The following NTRK2 variants were observed in gnomAD, a reference collection of about 807,000 sequenced individuals.
NTRK2 encodes the protein BDNF/NT-3 growth factors receptor.
In NTRK2, 13 loss-of-function variants were observed where a neutral mutation model predicts 94.5. The ratio of observed to expected loss-of-function variants is 0.14; its 90% CI spans 0.09 to 0.22. The LOEUF is 0.22. Among genes scored for constraint, NTRK2 ranks in the 10% least tolerant of loss-of-function variants. The pLI, the probability that NTRK2 is intolerant of heterozygous loss-of-function variation, is 1.00. For synonymous variants in NTRK2, 372 were observed against 407.4 expected (o/e 0.91, Z 1.05); for missense variants, 639 against 1,071.2 (o/e 0.60, Z 5.63).
At chr9:85,009,962 C>T (rs571873382) in intron 17 of NTRK2, among the ~76,000 whole-genome samples, 1 of 152,260 alleles carries the variant, frequency 6.6e-6, no homozygotes, top group South Asian at 2.1e-4. Flanking sequence ...TGTATTAAGT[C>T]CTCATCTCAG....
chr9:84,972,367 C>T (rs979320050), intron 17 of NTRK2, among the ~76,000 whole-genome samples: 1 of 152,132 alleles, frequency 6.6e-6, no homozygotes. Flanking sequence ...TGTAGGTTTT[C>T]CATCTTCTAT....
chr9:85,020,133 G>A (rs2117915821), intron 17 of NTRK2, 73 bp from the exon 18 acceptor site: 1 of 1,512,718 alleles, frequency 6.6e-7, no homozygotes. Flanking sequence ...AGCAAACAGT[G>A]TCCCCCAGCA....
At chr9:84,704,182 A>G (rs1391754036) in intron 4 of NTRK2, among the ~76,000 whole-genome samples, 2 of 144,366 alleles carry the variant, frequency 1.4e-5, no homozygotes, top group African/African-American at 5.1e-5. Flanking sequence ...GCCACTTTGT[A>G]TATTTTTTCA....
At chr9:84,967,094 C>T (rs895906728) in intron 17 of NTRK2, among the ~76,000 whole-genome samples, 10 of 152,154 alleles carry the variant, frequency 6.6e-5, no homozygotes, top group Admixed American at 3.9e-4. Flanking sequence ...AGTTAGTAAA[C>T]GAAGTGCTAT....
Position 84,744,042 on chromosome 9 carries a change from A to G in NTRK2, c.1196-931A>G, listed in dbSNP as rs141174316. On this transcript the variant is annotated intron_variant, in intron 10 of 18. Coordinates refer to ENST00000277120, the MANE Select transcript of NTRK2 (RefSeq NM_006180.6). ...GAAGTTTAGCTGGGGCTGCATTAACAAGGTAGCCTCTTCAGGATGGAAATT... is the reference window on the plus strand; with the variant it reads ...GAAGTTTAGCTGGGGCTGCATTAACGAGGTAGCCTCTTCAGGATGGAAATT... 8.5e-5 allele frequency among the ~76,000 whole-genome samples: 13 copies of G among 152,332 alleles called. No individual in the cohort carries two copies. In the East Asian group the frequency reaches 2.3e-3, roughly 27 times the overall value.
intron 17 of NTRK2, among the ~76,000 whole-genome samples, chr9:84,957,420 T>A: frequency 6.6e-6 from 1 of 152,090 alleles, no homozygotes; most frequent in East Asian, 1.9e-4. Flanking sequence ...AAAAGATAAA[T>A]CACTCAATTC....
At chr9:84,842,709 G>A (rs950860039) in intron 12 of NTRK2, among the ~76,000 whole-genome samples, 2 of 152,124 alleles carry the variant, frequency 1.3e-5, no homozygotes, top group African/African-American at 2.4e-5. Flanking sequence ...CCACAGTCTG[G>A]CACCACTACT....
chr9:84,747,531 G>A (rs1302824178), intron 11 of NTRK2, among the ~76,000 whole-genome samples: 2 of 142,398 alleles, frequency 1.4e-5, no homozygotes, highest in African/African-American at 5.3e-5. Context: ...AGGCTGGAGT[G>A]CAGTGGCACG....
intron 12 of NTRK2, among the ~76,000 whole-genome samples, chr9:84,758,902 A>G (rs2065302908): frequency 6.6e-6 from 1 of 152,234 alleles, no homozygotes; most frequent in Non-Finnish European, 1.5e-5. Flanking sequence ...GAAACAAGTA[A>G]TGAACTTTGC....
At chr9:84,896,917 G>A (rs993603456) in intron 14 of NTRK2, among the ~76,000 whole-genome samples, 3 of 152,158 alleles carry the variant, frequency 2.0e-5, no homozygotes, top group Admixed American at 6.5e-5. Flanking sequence ...AAGAGGAGTA[G>A]GCATAATTTG....
intron 15 of NTRK2, among the ~76,000 whole-genome samples, chr9:84,944,925 A>C (rs2078544801): frequency 6.6e-6 from 1 of 152,214 alleles, no homozygotes; most frequent in Non-Finnish European, 1.5e-5. Context: ...GTAGATGATG[A>C]TATTGTTATC....
intron 2 of NTRK2, 32 bp from the exon 3 acceptor site, chr9:84,702,127 G>A (rs1418547231): frequency 6.2e-7 from 1 of 1,601,598 alleles, no homozygotes; most frequent in Admixed American, 1.7e-5. Flanking sequence ...TACATTCTGA[G>A]TCACTGCGAT....
intron 17 of NTRK2, among the ~76,000 whole-genome samples, chr9:84,980,821 A>G (rs1191016210): frequency 1.3e-5 from 2 of 152,250 alleles, no homozygotes; most frequent in Admixed American, 1.3e-4. Flanking sequence ...GTGATGCCAA[A>G]TGTGAGCCTC....
chr9:84,819,549 G>A (rs139677556), intron 12 of NTRK2, among the ~76,000 whole-genome samples: 3 of 152,336 alleles, frequency 2.0e-5, no homozygotes, highest in Admixed American at 6.5e-5. Context: ...ACTCAACGCT[G>A]TTGAATTGAA....
chr9:84,812,637 C>T, intron 12 of NTRK2: 4 of 1,046,362 alleles, frequency 3.8e-6, no homozygotes, highest in Non-Finnish European at 4.6e-6. Flanking sequence ...CTCAGTATGG[C>T]AAAGGTTCTT....
chr9:84,915,821 A>C (rs2077376369), intron 14 of NTRK2, among the ~76,000 whole-genome samples: 1 of 152,204 alleles, frequency 6.6e-6, no homozygotes. Flanking sequence ...GAAAATTAAT[A>C]AAACTACTCA....
Position 84,948,454 on chromosome 9 carries a change from A to T in NTRK2, c.1765-8A>T, listed in dbSNP as rs1664585232. Reference sequence around the variant, plus strand: ...AAGTAATCCTTCTCTTTTAACACCCATCCCCAGACCCTGAAGGATGCCAGT... The same window carrying T: ...AAGTAATCCTTCTCTTTTAACACCCTTCCCCAGACCCTGAAGGATGCCAGT... On this transcript the variant is annotated splice_region_variant and splice_polypyrimidine_tract_variant and intron_variant, in intron 15 of 18. Transcript: ENST00000277120. The T allele has an allele frequency of 6.2e-7, 1 of 1,614,036 alleles. No individual in the cohort carries two copies. The highest frequency in any genetic ancestry group is 2.2e-5 in the East Asian group (1 of 44,874).
intron 12 of NTRK2, among the ~76,000 whole-genome samples, chr9:84,819,479 C>T (rs781554350): frequency 2.0e-5 from 3 of 152,178 alleles, no homozygotes; most frequent in East Asian, 1.9e-4. Flanking sequence ...TTCCTCTTTG[C>T]GTTTACTCCA....
At chr9:84,733,673 G>A (rs572198478) in intron 9 of NTRK2, among the ~76,000 whole-genome samples, 1 of 152,284 alleles carries the variant, frequency 6.6e-6, no homozygotes, top group Admixed American at 6.5e-5. Context: ...TCCTCTTTGA[G>A]GTTGCCTTTA....
Sources: gnomAD v4.1 joint callset for allele counts (sites outside exome capture counted in the v4.1 genomes callset) on GRCh38, gnomAD v4.1.1 for gene constraint, MANE v1.5 for transcripts, NCBI Gene and HGNC (gene_info 2026-07-23, HGNC 2026-07-21) for gene names.